SH3RF2: variants seen among roughly 807,000 people sequenced by gnomAD.
SH3RF2 encodes the protein E3 ubiquitin-protein ligase SH3RF2.
SH3RF2 carries 43 observed loss-of-function variants against 59.0 expected under a neutral mutation model. The observed-to-expected ratio is 0.73, with a 90% CI of 0.57 to 0.94. The LOEUF (loss-of-function observed/expected upper bound fraction) is 0.94. SH3RF2 is among the 40% of genes least tolerant of loss of function. The pLI is 0.00. For synonymous variants in SH3RF2, 391 were observed against 391.5 expected (o/e 1.00, Z 0.01); for missense variants, 930 against 940.1 (o/e 0.99, Z 0.14).
At chr5:146,055,002 G>A (rs188585167) in intron 7 of SH3RF2, among the ~76,000 whole-genome samples, 2 of 152,336 alleles carry the variant, frequency 1.3e-5, no homozygotes, top group Non-Finnish European at 2.9e-5. Context: ...CATGTAAAAT[G>A]ACAGTCACTC....
At chr5:146,029,755 G>C (rs1216470628) in intron 5 of SH3RF2, among the ~76,000 whole-genome samples, 1 of 152,076 alleles carries the variant, frequency 6.6e-6, no homozygotes, top group Non-Finnish European at 1.5e-5. Flanking sequence ...GAATGCCTCA[G>C]GAACTTTATT....
chr5:145,986,834 G>A (rs1173813819), intron 2 of SH3RF2, among the ~76,000 whole-genome samples: 5 of 152,164 alleles, frequency 3.3e-5, no homozygotes, highest in Non-Finnish European at 7.3e-5. Flanking sequence ...TGGCAGCCCT[G>A]AAAAGGCACT....
chr5:146,055,822 G>T (rs1580930657), intron 7 of SH3RF2, 159 bp from the exon 8 acceptor site: 5 of 792,236 alleles, frequency 6.3e-6, no homozygotes, highest in Non-Finnish European at 1.0e-5. Flanking sequence ...CTTTAGTTAA[G>T]CCTGTAGTTC....
At chr5:146,012,187 T>G (rs1242598743) in intron 4 of SH3RF2, among the ~76,000 whole-genome samples, 1 of 152,232 alleles carries the variant, frequency 6.6e-6, no homozygotes, top group Non-Finnish European at 1.5e-5. Flanking sequence ...TTACATTTAT[T>G]GATTTGCGTA....
chr5:145,946,395 T>C (rs976049647), intron 2 of SH3RF2, among the ~76,000 whole-genome samples: 1 of 152,218 alleles, frequency 6.6e-6, no homozygotes, highest in Admixed American at 6.5e-5. Flanking sequence ...TTTTTTTTAA[T>C]GGAAGAGTAA....
chr5:146,028,598 A>T (rs1263253893), intron 5 of SH3RF2, among the ~76,000 whole-genome samples: 3 of 79,450 alleles, frequency 3.8e-5, no homozygotes, highest in African/African-American at 8.8e-5. Flanking sequence ...TGTAGCACCC[A>T]CCACCACCAC....
intron 2 of SH3RF2, among the ~76,000 whole-genome samples, chr5:145,956,282 A>AT (rs1561708557): frequency 6.6e-6 from 1 of 151,934 alleles, no homozygotes; most frequent in Admixed American, 6.6e-5. Context: ...ATTTTTATTT[A>AT]TTTTTTTATT....
In SH3RF2 at chr5:146,060,045, G is replaced by A. The variant is rs367884211; in HGVS notation, c.1735G>A (p.Glu579Lys). The stretch of plus-strand genomic sequence containing the variant: ...GGGGTCCAAGCCTGCCCTCACGGGG[G>A]AGCCCGCCCTCACGTGCATCAGCAG... ...EMGSKPALTG[E>K]PALTCISRGS... is the part of the protein sequence containing the mutation. The change falls in exon 9 of 10, where the codon GAG (glutamate) becomes AAG (lysine). Residue 579 changes from glutamate (E) to lysine (K), a missense_variant. Coordinates refer to ENST00000359120, the MANE Select transcript of SH3RF2 (RefSeq NM_152550.4). 2 of 1,612,982 alleles carry A rather than the reference G, an allele frequency of 1.2e-6. No individual in the cohort carries two copies. The highest frequency in any genetic ancestry group is 3.3e-5 in the Admixed American group (2 of 59,880).
intron 2 of SH3RF2, among the ~76,000 whole-genome samples, chr5:145,958,042 G>A (rs887227769): frequency 1.2e-4 from 18 of 152,036 alleles, no homozygotes; most frequent in African/African-American, 4.3e-4. Context: ...GAATCCAGGA[G>A]GCGGAGGTTG....
intron 2 of SH3RF2, among the ~76,000 whole-genome samples, chr5:145,943,879 A>G (rs1458431600): frequency 7.9e-5 from 12 of 152,186 alleles, no homozygotes; most frequent in Non-Finnish European, 1.3e-4. Flanking sequence ...CATGTTACCT[A>G]AGGGATTAGC....
At chr5:146,016,402 G>A (rs79633183) in intron 5 of SH3RF2, among the ~76,000 whole-genome samples, 4,475 of 148,170 alleles carry the variant, frequency 0.03, 235 homozygotes, top group African/African-American at 0.11. Flanking sequence ...ATGGATGGAT[G>A]GATAGATGAT....
At chr5:145,950,862 C>A (rs1423120932) in intron 2 of SH3RF2, among the ~76,000 whole-genome samples, 1 of 152,124 alleles carries the variant, frequency 6.6e-6, no homozygotes, top group Non-Finnish European at 1.5e-5. Flanking sequence ...AAAATAGAGC[C>A]TGAAATTCAG....
chr5:146,041,028 C>T (rs184858021), intron 5 of SH3RF2, among the ~76,000 whole-genome samples: 1 of 152,318 alleles, frequency 6.6e-6, no homozygotes, highest in Non-Finnish European at 1.5e-5. Context: ...ACCCCTTTAG[C>T]CACACTGAGA....
exon 10 of SH3RF2, chr5:146,079,419 T>C: frequency 6.6e-6 from 1 of 152,244 alleles, no homozygotes; most frequent in East Asian, 1.9e-4. Context: ...CATCTTCTCC[T>C]CCTCTCTTAA....
At chr5:145,955,602 G>A (rs1758365643) in intron 2 of SH3RF2, among the ~76,000 whole-genome samples, 1 of 152,144 alleles carries the variant, frequency 6.6e-6, no homozygotes, top group Non-Finnish European at 1.5e-5. Flanking sequence ...AAGGTGGGAA[G>A]AACATAAAAT....
rs1282663638 is a variant in SH3RF2, at chr5:146,047,793, C to A, written c.1081C>A (p.Pro361Thr). The change falls in exon 6 of 10, where the codon CCT (proline) becomes ACT (threonine). Residue 361 changes from proline to threonine, a missense_variant. Coordinates refer to ENST00000359120, the MANE Select transcript of SH3RF2 (RefSeq NM_152550.4). The part of the protein sequence containing the change: ...VGQVSTYHPA[P>T]VSPGHSTAVV... ...GCAGGTCAGCACTTATCACCCCGCACCTGTCTCTCCAGGACATTCCACAGC... is the reference window on the plus strand; with the variant it reads ...GCAGGTCAGCACTTATCACCCCGCAACTGTCTCTCCAGGACATTCCACAGC... 6.8e-6 allele frequency: 11 copies of A among 1,614,050 alleles called. No individual in the cohort carries two copies. Among genetic ancestry groups the A allele is most frequent in the Admixed American group, 1.7e-5 (1 of 60,012 alleles).
intron 9 of SH3RF2, among the ~76,000 whole-genome samples, chr5:146,061,460 A>C (rs1762888069): frequency 6.6e-6 from 1 of 152,200 alleles, no homozygotes; most frequent in African/African-American, 2.4e-5. Flanking sequence ...AAGCTTTTAG[A>C]TACAACTATA....
chr5:146,057,966 C>CTA lies in SH3RF2; in HGVS notation c.1555+1754_1555+1755insAT, dbSNP rs1554120848. 6.7e-3 allele frequency among the ~76,000 whole-genome samples: 490 copies of CTA among 72,906 alleles called. 6 individuals carry two copies. Among genetic ancestry groups the CTA allele is most frequent in the East Asian group, 0.027 (66 of 2,448 alleles). 47.8% of individuals were successfully genotyped at this position (72,906 alleles called of 152,430 possible). On this transcript the variant is annotated intron_variant, in intron 8 of 9. Coordinates refer to ENST00000359120, the MANE Select transcript of SH3RF2 (RefSeq NM_152550.4). ...TCTCTCTCTCTCTCTCTCTCTCTCTCTCTATCTATCTATCTATCTATATAT... is the reference window on the plus strand; with the variant it reads ...TCTCTCTCTCTCTCTCTCTCTCTCTCTATCTATCTATCTATCTATCTATATAT...
chr5:146,010,967 T>C (rs1760865424), intron 4 of SH3RF2, among the ~76,000 whole-genome samples: 1 of 152,100 alleles, frequency 6.6e-6, no homozygotes, highest in Non-Finnish European at 1.5e-5. Flanking sequence ...GCCGATGTCC[T>C]GAATGGTATT....
Sources: gnomAD v4.1 joint callset for allele counts (sites outside exome capture counted in the v4.1 genomes callset) on GRCh38, gnomAD v4.1.1 for gene constraint, MANE v1.5 for transcripts, NCBI Gene and HGNC (gene_info 2026-07-23, HGNC 2026-07-21) for gene names.